Variants in MAGI1 observed in about 807,000 individuals in gnomAD.
MAGI1 encodes membrane-associated guanylate kinase, WW and PDZ domain-containing protein 1.
A neutral mutation model predicts 139.9 loss-of-function variants in MAGI1; 58 were observed. The observed-to-expected ratio is 0.41, with a 90% CI of 0.34 to 0.52. The LOEUF (loss-of-function observed/expected upper bound fraction) is 0.52. MAGI1 is among the 20% of genes least tolerant of loss of function. MAGI1 has a pLI of 0.12. For missense variants in MAGI1, 1,874 were observed against 1,901.6 expected (o/e 0.99, Z 0.27); for synonymous variants, 812 against 737.9 (o/e 1.10, Z -1.63).
chr3:66,005,286 C>G (rs2066954223), intron 1 of MAGI1, among the ~76,000 whole-genome samples: 1 of 152,098 alleles, frequency 6.6e-6, no homozygotes, highest in Admixed American at 6.6e-5. Context: ...TTGGGCCAAG[C>G]AGGAGATGGG....
At chr3:65,636,992 T>C (rs186861280) in intron 1 of MAGI1, among the ~76,000 whole-genome samples, 2 of 152,228 alleles carry the variant, frequency 1.3e-5, no homozygotes, top group East Asian at 3.9e-4. Context: ...TCAAAAGGAG[T>C]GCCACTGCCA....
intron 1 of MAGI1, among the ~76,000 whole-genome samples, chr3:65,631,295 A>C (rs945210753): frequency 7.2e-5 from 11 of 152,218 alleles, no homozygotes; most frequent in Non-Finnish European, 1.5e-5. Context: ...GAATACAGAG[A>C]TCTATTAGGT....
intron 1 of MAGI1, among the ~76,000 whole-genome samples, chr3:65,862,869 G>C (rs6785147): frequency 0.11 from 17,040 of 152,168 alleles, 1,657 homozygotes; most frequent in East Asian, 0.26. Context: ...AGTCACAGAG[G>C]TTCTGGAGTT....
chr3:65,375,628 A>G (rs992552992), intron 18 of MAGI1, 117 bp downstream of exon 18: 4 of 896,772 alleles, frequency 4.5e-6, no homozygotes, highest in African/African-American at 1.7e-5. Flanking sequence ...CTGCCACTAA[A>G]TTAATACTAT....
chr3:65,851,415 A>C (rs1356159235), intron 1 of MAGI1, among the ~76,000 whole-genome samples: 1 of 152,070 alleles, frequency 6.6e-6, no homozygotes, highest in African/African-American at 2.4e-5. Context: ...TTTGATGGGC[A>C]CTGGTGATGG....
chr3:65,470,436 G>T lies in MAGI1; in HGVS notation c.806C>A (p.Pro269Gln), dbSNP rs759120883. 18 of 1,613,694 alleles carry T rather than the reference G, an allele frequency of 1.1e-5. No individual in the cohort carries two copies. The highest frequency in any genetic ancestry group is 1.4e-5 in the Non-Finnish European group (17 of 1,179,874). The change falls in exon 5 of 23, where the codon CCA (proline) becomes CAA (glutamine). Residue 269 changes from proline to glutamine, a missense_variant. This residue lies in a region of MAGI1 where 648 missense variants were observed against 598.1 expected (regional missense o/e 1.08). Coordinates refer to ENST00000402939, the MANE Select transcript of MAGI1 (RefSeq NM_001033057.2). Reference sequence around the variant, plus strand: ...AGCGATGATGCTACTATTCACAGGTGGTAATGCTGTTTCTTGGAGAGTGTG... The same window carrying T: ...AGCGATGATGCTACTATTCACAGGTTGTAATGCTGTTTCTTGGAGAGTGTG... ...EEHTLQETAL[P>Q]PVNSSIIAAP...
chr3:65,465,893 G>A (rs1455473324), intron 5 of MAGI1, among the ~76,000 whole-genome samples: 1 of 152,026 alleles, frequency 6.6e-6, no homozygotes, highest in East Asian at 1.9e-4. Context: ...TGCCCCTGAA[G>A]CTCTGTTTGT....
chr3:65,563,510 T>G (rs1164013130), intron 2 of MAGI1, among the ~76,000 whole-genome samples: 9 of 152,218 alleles, frequency 5.9e-5, no homozygotes. Flanking sequence ...TTTGGTCTTT[T>G]GTTCTAGGGA....
chr3:66,004,653 T>G (rs1448827169), intron 1 of MAGI1, among the ~76,000 whole-genome samples: 2 of 152,214 alleles, frequency 1.3e-5, no homozygotes, highest in East Asian at 1.9e-4. Context: ...AAGTTCACAT[T>G]GTATCTGGCA....
chr3:65,379,477 C>G lies in MAGI1; in HGVS notation c.2779G>C (p.Glu927Gln), dbSNP rs745320055. 2.3e-5 allele frequency: 37 copies of G among 1,613,906 alleles called. No individual in the cohort carries two copies. Among genetic ancestry groups the G allele is most frequent in the Admixed American group, 1.0e-4 (6 of 59,980 alleles). ...TGGCTGCCCTGCGGAGTGCGCTTCT[C>G]TTCTGTCAGCGAGGCCGGCTGGTTG... ...SSNQPASLTE[E>Q]KRTPQGSQNS... The change falls in exon 17 of 23, where the codon GAG (glutamate) becomes CAG (glutamine). Residue 927 changes from glutamate (E) to glutamine (Q), a missense_variant. By Grantham distance (29) the Glu-to-Gln change is conservative (BLOSUM62 2). Around this residue, in one of 5 missense-constraint regions of MAGI1, gnomAD observed 482 missense variants for 509.6 expected, o/e 0.95. Coordinates refer to ENST00000402939, the MANE Select transcript of MAGI1 (RefSeq NM_001033057.2).
At chr3:65,688,480 C>T (rs915493955) in intron 1 of MAGI1, 7 of 460,598 alleles carry the variant, frequency 1.5e-5, no homozygotes, top group Non-Finnish European at 3.0e-5. Context: ...CTTCCCTTCA[C>T]TCCCTTTCCT....
chr3:65,638,106 G>A (rs1032168291), intron 1 of MAGI1, among the ~76,000 whole-genome samples: 1 of 152,166 alleles, frequency 6.6e-6, no homozygotes, highest in African/African-American at 2.4e-5. Context: ...TTTGCCATCT[G>A]CTGCCTCTGT....
At chr3:65,679,804 T>C (rs1371699156) in intron 1 of MAGI1, among the ~76,000 whole-genome samples, 1 of 152,194 alleles carries the variant, frequency 6.6e-6, no homozygotes, top group Non-Finnish European at 1.5e-5. Context: ...GTTTGCAAAT[T>C]ATTTTTATTT....
intron 1 of MAGI1, among the ~76,000 whole-genome samples, chr3:65,685,308 A>C (rs532593311): frequency 1.3e-5 from 2 of 148,754 alleles, no homozygotes; most frequent in East Asian, 1.9e-4. Context: ...ATATTTCTTC[A>C]TTTAAAAAAA....
chr3:65,905,967 T>C (rs1188051619), intron 1 of MAGI1, among the ~76,000 whole-genome samples: 2 of 151,904 alleles, frequency 1.3e-5, no homozygotes, highest in African/African-American at 4.8e-5. Context: ...AATAAAAGAG[T>C]TTCTGGGATG....
chr3:66,026,028 C>T (rs1343317199), intron 1 of MAGI1, among the ~76,000 whole-genome samples: 7 of 151,074 alleles, frequency 4.6e-5, no homozygotes, highest in Non-Finnish European at 5.9e-5. Context: ...GCTGCAACAC[C>T]GGAGAAAGCT....
chr3:65,748,131 A>AT (rs1277741673), intron 1 of MAGI1, among the ~76,000 whole-genome samples: 1 of 152,252 alleles, frequency 6.6e-6, no homozygotes, highest in Non-Finnish European at 1.5e-5. Flanking sequence ...GGCTCCAAGC[A>AT]TGGGCCAGGG....
In MAGI1 at chr3:65,493,558, C is replaced by G. The variant is rs1264788861; in HGVS notation, c.504G>C (p.Leu168Phe). ...GAAGAGTCCCACTCTGCTCGAGGTC[C>G]AAGAACTCCTTCACAGTCAGAAAGT... ...DYNFLTVKEF[L>F]DLEQSGTLLE... The change falls in exon 3 of 23, where the codon TTG becomes TTC. Residue 168 changes from leucine to phenylalanine, a missense_variant. Physicochemically the swap from Leu to Phe is conservative, Grantham distance 22 (BLOSUM62 0). Coordinates refer to ENST00000402939, the MANE Select transcript of MAGI1 (RefSeq NM_001033057.2). The G allele has an allele frequency of 4.3e-6, 7 of 1,614,032 alleles. No homozygotes were observed. The highest frequency in any genetic ancestry group is 5.9e-6 in the Non-Finnish European group (7 of 1,180,022).
chr3:65,897,194 G>T (rs2061005672), intron 1 of MAGI1, among the ~76,000 whole-genome samples: 1 of 152,104 alleles, frequency 6.6e-6, no homozygotes, highest in South Asian at 2.1e-4. Context: ...TGGAAAAACA[G>T]GTGAGTTTTT....
Sources: allele counts gnomAD v4.1 joint callset (sites outside exome capture counted in the v4.1 genomes callset), GRCh38; gene constraint gnomAD v4.1.1; regional missense constraint gnomAD v4.1.1; transcripts MANE v1.5; gene names NCBI Gene and HGNC (gene_info 2026-07-23, HGNC 2026-07-21).